CNTNAP4: variants seen among roughly 807,000 people sequenced by gnomAD.
CNTNAP4 encodes contactin associated protein family member 4.
Under a neutral mutation model 148.4 loss-of-function variants are expected in CNTNAP4, and 98 were observed. The ratio of observed to expected loss-of-function variants is 0.66; its 90% confidence interval spans 0.56 to 0.78. CNTNAP4 has a LOEUF of 0.78. CNTNAP4 is among the 30% of genes least tolerant of loss of function. CNTNAP4 has a pLI of 0.00. For synonymous variants in CNTNAP4, 730 were observed against 565.1 expected (o/e 1.29, Z -4.14); for missense variants, 1,935 against 1,565.6 (o/e 1.24, Z -3.98).
intron 4 of CNTNAP4, among the ~76,000 whole-genome samples, chr16:76,447,098 A>G (rs1041964585): frequency 2.6e-5 from 4 of 152,078 alleles, no homozygotes; most frequent in Admixed American, 1.3e-4. Context: ...GCCTAAACCC[A>G]GGAATTCGAG....
intron 1 of CNTNAP4, among the ~76,000 whole-genome samples, chr16:76,307,243 T>C (rs920907099): frequency 2.2e-4 from 33 of 152,008 alleles, no homozygotes; most frequent in African/African-American, 7.7e-4. Context: ...TGACAGACAA[T>C]TTGCAGGTAT....
At chr16:76,334,923 C>A (rs1467164342) in intron 2 of CNTNAP4, among the ~76,000 whole-genome samples, 1 of 151,930 alleles carries the variant, frequency 6.6e-6, no homozygotes, top group South Asian at 2.1e-4. Flanking sequence ...TAGGAGCCAT[C>A]AAGGCTAACC....
intron 1 of CNTNAP4, among the ~76,000 whole-genome samples, chr16:76,284,982 C>A (rs994858240): frequency 1.3e-5 from 2 of 151,940 alleles, no homozygotes; most frequent in African/African-American, 4.8e-5. Context: ...TTGTTAGGGT[C>A]TTCATAGTTA....
chr16:76,339,124 A>G (rs1964259113), intron 2 of CNTNAP4, among the ~76,000 whole-genome samples: 1 of 152,150 alleles, frequency 6.6e-6, no homozygotes, highest in Non-Finnish European at 1.5e-5. Context: ...AGAATATGCG[A>G]TTAGGGAGAT....
At chr16:76,523,907 G>GT (rs2083598644) in intron 17 of CNTNAP4, among the ~76,000 whole-genome samples, 1 of 152,154 alleles carries the variant, frequency 6.6e-6, no homozygotes. Context: ...TCCATCCTGG[G>GT]TGACAGAGGG....
intron 9 of CNTNAP4, among the ~76,000 whole-genome samples, chr16:76,463,927 A>C (rs139781053): frequency 1.3e-5 from 2 of 151,954 alleles, no homozygotes. Context: ...ACGAATCTCA[A>C]GTTTACTTAG....
chr16:76,518,165 T>C (rs2083320581), intron 15 of CNTNAP4, among the ~76,000 whole-genome samples: 1 of 152,154 alleles, frequency 6.6e-6, no homozygotes, highest in Non-Finnish European at 1.5e-5. Context: ...TCTCATTCTG[T>C]CATCCAGGCT....
intron 4 of CNTNAP4, among the ~76,000 whole-genome samples, chr16:76,441,545 T>C (rs2080041313): frequency 6.6e-6 from 1 of 152,084 alleles, no homozygotes; most frequent in African/African-American, 2.4e-5. Context: ...AGGTATTCAC[T>C]GAGGGGGAAT....
intron 1 of CNTNAP4, among the ~76,000 whole-genome samples, chr16:76,302,706 T>C (rs897306102): frequency 6.6e-5 from 10 of 152,170 alleles, no homozygotes; most frequent in African/African-American, 1.7e-4. Flanking sequence ...ACAGGACTGA[T>C]ACCCCGTCAT....
At chr16:76,347,085 C>A (rs1464970293) in intron 2 of CNTNAP4, among the ~76,000 whole-genome samples, 2 of 151,764 alleles carry the variant, frequency 1.3e-5, no homozygotes, top group Non-Finnish European at 2.9e-5. Context: ...ATACATACAT[C>A]TTTGAAATGT....
intron 3 of CNTNAP4, among the ~76,000 whole-genome samples, chr16:76,366,486 A>T (rs945589893): frequency 2.0e-5 from 3 of 152,212 alleles, no homozygotes; most frequent in African/African-American, 7.2e-5. Flanking sequence ...ACGGCTGCAT[A>T]GTATTACATG....
intron 4 of CNTNAP4, among the ~76,000 whole-genome samples, chr16:76,434,695 A>T (rs2079749023): frequency 6.6e-6 from 1 of 152,168 alleles, no homozygotes; most frequent in Admixed American, 6.5e-5. Flanking sequence ...TGGTAGAGGC[A>T]GCTCTAAGGG....
At chr16:76,418,896 G>T (rs1597475516) in intron 3 of CNTNAP4, among the ~76,000 whole-genome samples, 1 of 151,960 alleles carries the variant, frequency 6.6e-6, no homozygotes, top group East Asian at 1.9e-4. Flanking sequence ...AGGTACTATA[G>T]GTACCAGATG....
intron 4 of CNTNAP4, among the ~76,000 whole-genome samples, chr16:76,432,299 C>A (rs965267314): frequency 3.9e-5 from 6 of 152,076 alleles, no homozygotes; most frequent in Non-Finnish European, 8.8e-5. Flanking sequence ...TGCCGTTTAC[C>A]CCAACAAGTT....
intron 15 of CNTNAP4, among the ~76,000 whole-genome samples, chr16:76,512,943 C>T (rs181155326): frequency 4.6e-5 from 7 of 152,182 alleles, no homozygotes; most frequent in African/African-American, 1.2e-4. Context: ...GATGTTATAG[C>T]GACCTTGGTG....
In CNTNAP4 at chr16:76,505,746, A is replaced by G. The variant is rs1204456442; in HGVS notation, c.2365+7052A>G. On this transcript the variant is annotated intron_variant, in intron 15 of 23. Coordinates refer to ENST00000611870, the MANE Select transcript of CNTNAP4 (RefSeq NM_033401.5). Reference sequence around the variant, plus strand: ...ATAGCTATACTTGCTTAATTTTAAGAATTGGAGGCTGAGTGCAGTGGCTCA... The same window carrying G: ...ATAGCTATACTTGCTTAATTTTAAGGATTGGAGGCTGAGTGCAGTGGCTCA... Among the ~76,000 whole-genome samples, 4 of 97,520 alleles carry G rather than the reference A, an allele frequency of 4.1e-5. 2 individuals carry two copies. The highest frequency in any genetic ancestry group is 1.0e-4 in the African/African-American group (4 of 38,802). The allele number at this position is 97,520 out of a possible 152,430, so 64.0% of individuals were successfully genotyped here. A position where few individuals can be genotyped will look rare whatever the true frequency, so the allele number is the denominator to read the frequency against.
intron 3 of CNTNAP4, among the ~76,000 whole-genome samples, chr16:76,378,441 G>C (rs1278296141): frequency 6.6e-6 from 1 of 152,174 alleles, no homozygotes; most frequent in Non-Finnish European, 1.5e-5. Context: ...GAAGGTGACA[G>C]ATATCTGTGA....
At chr16:76,444,943 T>G (rs2080184404) in intron 4 of CNTNAP4, among the ~76,000 whole-genome samples, 1 of 152,174 alleles carries the variant, frequency 6.6e-6, no homozygotes, top group Non-Finnish European at 1.5e-5. Flanking sequence ...CTTTCTGTAC[T>G]TTGTTCCTTT....
intron 3 of CNTNAP4, among the ~76,000 whole-genome samples, chr16:76,389,257 C>T (rs750295938): frequency 4.1e-4 from 62 of 152,152 alleles, no homozygotes; most frequent in Non-Finnish European, 8.4e-4. Flanking sequence ...ATGTTAAGTA[C>T]GTGTCCTGAC....
Sources: gnomAD v4.1 joint callset for allele counts (sites outside exome capture counted in the v4.1 genomes callset) on GRCh38, gnomAD v4.1.1 for gene constraint, MANE v1.5 for transcripts, NCBI Gene and HGNC (gene_info 2026-07-23, HGNC 2026-07-21) for gene names.